KATNBL1: variants seen among roughly 807,000 people sequenced by gnomAD.
KATNBL1 encodes KATNB1-like protein 1.
KATNBL1 carries 28 observed loss-of-function variants against 44.7 expected under a neutral mutation model. That is an observed-to-expected ratio of 0.63 (90% CI 0.46 to 0.86). The LOEUF (loss-of-function observed/expected upper bound fraction) is 0.86. KATNBL1 is among the 40% of genes least tolerant of loss of function. The probability of loss-of-function intolerance (pLI) is 0.00; values close to 1 mark genes in which losing one functional copy is unlikely to be tolerated. For missense variants in KATNBL1, 272 were observed against 350.7 expected, an observed-to-expected ratio of 0.78 and a Z score of 1.79; for synonymous variants, 78 against 114.9, an observed-to-expected ratio of 0.68 and a Z score of 2.06.
intron 1 of KATNBL1, chr15:34,177,954 G>C (rs1889385678): frequency 1.3e-5 from 2 of 152,208 alleles, no homozygotes; most frequent in South Asian, 4.1e-4. Context: ...AAGGGTATGT[G>C]TAGTTATCTC....
At chr15:34,173,226 T>A (rs1039598919) in intron 1 of KATNBL1, among the ~76,000 whole-genome samples, 1 of 151,994 alleles carries the variant, frequency 6.6e-6, no homozygotes, top group African/African-American at 2.4e-5. Context: ...TTAAGAAAAC[T>A]GTACAAGGTT....
intron 1 of KATNBL1, among the ~76,000 whole-genome samples, chr15:34,185,296 G>A (rs760060253): frequency 1.8e-4 from 27 of 152,228 alleles, no homozygotes; most frequent in Non-Finnish European, 2.8e-4. Flanking sequence ...CCTTGTCTTC[G>A]TTGATTTCTT....
In KATNBL1 at chr15:34,183,059, G is replaced by A. The variant is rs10152545; in HGVS notation, c.-14-19369C>T. On this transcript the variant is annotated intron_variant, in intron 1 of 9. Transcript: ENST00000256544. ...GCTTGACAGAGCTGAGAAATATGGC[G>A]CCCCTTGGCCCACATCCATTCTTTT... is the stretch of plus-strand genomic sequence containing the variant. Among the ~76,000 whole-genome samples, 825 of 152,248 alleles carry A rather than the reference G, an allele frequency of 5.4e-3. 9 individuals carry two copies. Among genetic ancestry groups the A allele is most frequent in the African/African-American group, 0.019 (773 of 41,536 alleles).
chr15:34,196,621 G>A (rs1349897559), intron 1 of KATNBL1, among the ~76,000 whole-genome samples: 4 of 151,952 alleles, frequency 2.6e-5, no homozygotes, highest in Non-Finnish European at 5.9e-5. Flanking sequence ...CCAGCTACTC[G>A]GGAGGCTGAT....
At chr15:34,143,167 T>C in intron 9 of KATNBL1, 1 of 452,800 alleles carries the variant, frequency 2.2e-6, no homozygotes, top group Non-Finnish European at 3.4e-6. Flanking sequence ...ACAATAAAGC[T>C]TTTCCCTTTG....
At chr15:34,177,728 C>G (rs1003726420) in intron 1 of KATNBL1, 1 of 151,408 alleles carries the variant, frequency 6.6e-6, no homozygotes, top group Non-Finnish European at 1.5e-5. Flanking sequence ...TGGAACACAT[C>G]TAGACTTTTG....
intron 1 of KATNBL1, among the ~76,000 whole-genome samples, chr15:34,194,782 T>C (rs1324584342): frequency 6.6e-6 from 1 of 151,990 alleles, no homozygotes; most frequent in African/African-American, 2.4e-5. Flanking sequence ...ATAATCCCAT[T>C]AAAAAACAGG....
At chr15:34,167,803 A>C (rs148927615) in intron 1 of KATNBL1, among the ~76,000 whole-genome samples, 1,862 of 152,318 alleles carry the variant, frequency 0.012, 20 homozygotes, top group Non-Finnish European at 0.02. Context: ...GAAAGAAAAG[A>C]ATTTTCAACC....
intron 1 of KATNBL1, among the ~76,000 whole-genome samples, chr15:34,184,533 A>G (rs1175632607): frequency 1.3e-5 from 2 of 148,176 alleles, no homozygotes; most frequent in Non-Finnish European, 1.5e-5. Context: ...GTATCCTTAA[A>G]CATAGCTTTT....
intron 2 of KATNBL1, among the ~76,000 whole-genome samples, chr15:34,160,218 T>G (rs12902678): frequency 1.7e-3 from 256 of 152,342 alleles, no homozygotes; most frequent in Middle Eastern, 6.8e-3. Context: ...TACTCTTTTG[T>G]ACCCTTCATA....
At chr15:34,192,171 G>A (rs572858339) in intron 1 of KATNBL1, among the ~76,000 whole-genome samples, 5 of 144,184 alleles carry the variant, frequency 3.5e-5, no homozygotes, top group East Asian at 4.1e-4. Flanking sequence ...TTTGGAGGCC[G>A]AGGCAGGTGG....
chr15:34,187,773 G>A (rs538719074), intron 1 of KATNBL1, among the ~76,000 whole-genome samples: 9 of 152,180 alleles, frequency 5.9e-5, no homozygotes, highest in African/African-American at 2.2e-4. Context: ...TTCCTCCATC[G>A]CTGTCCCATT....
chr15:34,146,660 C>T (rs1014174125), intron 8 of KATNBL1, 101 bp downstream of exon 8: 3 of 724,192 alleles, frequency 4.1e-6, no homozygotes, highest in African/African-American at 1.8e-5. Context: ...AGAATAAATA[C>T]CATACACTGA....
At position 34,154,821 on chromosome 15, in the gene KATNBL1, C is replaced by T. The variant is rs374879396; in HGVS notation, c.118-137G>A. On this transcript the variant is annotated intron_variant, in intron 2 of 9. Transcript: ENST00000256544. Reference sequence around the variant, plus strand: ...GGGTGCCAATCGTGCCTGGAGTGGTCGCAAGAGCATACCGGGCATGGGAGG... The same window carrying T: ...GGGTGCCAATCGTGCCTGGAGTGGTTGCAAGAGCATACCGGGCATGGGAGG... 1.0e-4 allele frequency: 67 copies of T among 649,078 alleles called. 1 individual carries two copies. The highest frequency in any genetic ancestry group is 6.6e-4 in the East Asian group (24 of 36,360). The allele number at this position is 649,078 out of a possible 1,614,324, so 40.2% of individuals were successfully genotyped here.
intron 1 of KATNBL1, among the ~76,000 whole-genome samples, chr15:34,194,494 G>A (rs1001393439): frequency 2.6e-5 from 4 of 152,050 alleles, no homozygotes; most frequent in African/African-American, 9.7e-5. Context: ...ATGGTGGCAC[G>A]CGCCTGTAGT....
chr15:34,165,363 G>A (rs575989679), intron 1 of KATNBL1, among the ~76,000 whole-genome samples: 13 of 152,126 alleles, frequency 8.5e-5, no homozygotes, highest in Admixed American at 7.9e-4. Flanking sequence ...AGAATGGATT[G>A]AACACATGCA....
intron 1 of KATNBL1, among the ~76,000 whole-genome samples, chr15:34,166,654 T>C (rs186178980): frequency 3.4e-4 from 52 of 152,348 alleles, no homozygotes; most frequent in African/African-American, 1.3e-3. Flanking sequence ...CCTTGACCCC[T>C]GTGTAGCCTA....
At chr15:34,207,773 T>A (rs1206501899) in intron 1 of KATNBL1, among the ~76,000 whole-genome samples, 1 of 152,164 alleles carries the variant, frequency 6.6e-6, no homozygotes, top group Non-Finnish European at 1.5e-5. Flanking sequence ...GCAAAATATT[T>A]TAAATTTTTT....
At chr15:34,160,885 C>A (rs951939407) in intron 2 of KATNBL1, among the ~76,000 whole-genome samples, 1 of 152,134 alleles carries the variant, frequency 6.6e-6, no homozygotes, top group African/African-American at 2.4e-5. Context: ...TCAATCCCCC[C>A]TACTGGAGAT....
Sources: gnomAD v4.1 joint callset for allele counts (sites outside exome capture counted in the v4.1 genomes callset) on GRCh38, gnomAD v4.1.1 for gene constraint, MANE v1.5 for transcripts, NCBI Gene and HGNC (gene_info 2026-07-23, HGNC 2026-07-21) for gene names.